Variants in MTUS2 observed in about 807,000 individuals in gnomAD.
The protein encoded by MTUS2 is microtubule-associated tumor suppressor candidate 2.
A neutral mutation model predicts 114.1 loss-of-function variants in MTUS2; 40 were observed. The observed-to-expected ratio is 0.35, with a 90% CI of 0.27 to 0.46. MTUS2 has a LOEUF of 0.46. MTUS2 is among the 20% of genes least tolerant of loss of function. The pLI is 1.00. For synonymous variants in MTUS2, 688 were observed against 672.0 expected, an observed-to-expected ratio of 1.02 and a Z score of -0.37; for missense variants, 1,679 against 1,705.4, an observed-to-expected ratio of 0.98 and a Z score of 0.27.
At chr13:29,057,038 T>C (rs1264156400) in intron 4 of MTUS2, among the ~76,000 whole-genome samples, 2 of 152,166 alleles carry the variant, frequency 1.3e-5, no homozygotes, top group Non-Finnish European at 2.9e-5. Flanking sequence ...AATTTCTTGA[T>C]ATCTGCCTTA....
chr13:29,303,394 C>T (rs1899295997), intron 6 of MTUS2, among the ~76,000 whole-genome samples: 1 of 152,104 alleles, frequency 6.6e-6, no homozygotes, highest in Non-Finnish European at 1.5e-5. Flanking sequence ...TGCAGAGAAA[C>T]TAAGAATCAT....
intron 8 of MTUS2, among the ~76,000 whole-genome samples, chr13:29,377,044 AC>A (rs547283743): frequency 8.1e-4 from 123 of 152,326 alleles, no homozygotes; most frequent in African/African-American, 2.9e-3. Context: ...GGGTCCACTC[AC>A]CAAGCAGATG....
rs182316322 is a variant in MTUS2, at chr13:29,078,503, A to C, written c.2447-22270A>C. The stretch of plus-strand genomic sequence containing the variant: ...AGCTTTGTTGAGATATAATTCGTGT[A>C]CTATATGCAATTCACAATTTAAAGG... On this transcript the variant is annotated intron_variant, in intron 4 of 15. Transcript: ENST00000612955. 2.0e-3 allele frequency among the ~76,000 whole-genome samples: 308 copies of C among 152,340 alleles called. 1 individual carries two copies. The highest frequency in any genetic ancestry group is 6.9e-3 in the African/African-American group (289 of 41,586).
chr13:29,140,565 C>T lies in MTUS2; in HGVS notation c.2644+39595C>T, dbSNP rs559631491. Among the ~76,000 whole-genome samples, 4 of 152,288 alleles carry T rather than the reference C, an allele frequency of 2.6e-5. No homozygotes were observed. The East Asian group carries it at 7.7e-4, about 29-fold the overall frequency. On this transcript the variant is annotated intron_variant, in intron 5 of 15. Coordinates refer to ENST00000612955, the MANE Select transcript of MTUS2 (RefSeq NM_001033602.4). ...TGCTAGTGTTTGGTGGTGTTCTGAACAAATTGTTCCTCATTCTAAGTGATG... is the reference window on the plus strand; with the variant it reads ...TGCTAGTGTTTGGTGGTGTTCTGAATAAATTGTTCCTCATTCTAAGTGATG...
At chr13:29,427,447 A>G (rs1306709026) in intron 8 of MTUS2, among the ~76,000 whole-genome samples, 4 of 152,168 alleles carry the variant, frequency 2.6e-5, no homozygotes, top group Admixed American at 6.5e-5. Flanking sequence ...AAGCTTGTGT[A>G]TTTATGTGAA....
chr13:29,295,977 A>C (rs1188499588), intron 6 of MTUS2, among the ~76,000 whole-genome samples: 1 of 152,102 alleles, frequency 6.6e-6, no homozygotes, highest in Non-Finnish European at 1.5e-5. Context: ...ACAATTCAAG[A>C]TGAGATTTGG....
chr13:28,874,976 G>T (rs1212766599), intron 2 of MTUS2, among the ~76,000 whole-genome samples: 3 of 152,194 alleles, frequency 2.0e-5, no homozygotes, highest in Admixed American at 6.5e-5. Context: ...CACAGTTGTA[G>T]TTCATGTATA....
chr13:28,889,030 A>G (rs1878763155), intron 2 of MTUS2, among the ~76,000 whole-genome samples: 1 of 152,186 alleles, frequency 6.6e-6, no homozygotes, highest in Non-Finnish European at 1.5e-5. Flanking sequence ...TGAAGTTCCG[A>G]CAACCAAGTA....
At chr13:28,823,011 T>G (rs923195275) in intron 1 of MTUS2, among the ~76,000 whole-genome samples, 4 of 152,282 alleles carry the variant, frequency 2.6e-5, no homozygotes, top group African/African-American at 9.6e-5. Flanking sequence ...TTTGGATCAG[T>G]GTGTGAGCTG....
intron 1 of MTUS2, among the ~76,000 whole-genome samples, chr13:28,831,241 A>G (rs1452686309): frequency 6.6e-6 from 1 of 152,232 alleles, no homozygotes; most frequent in Non-Finnish European, 1.5e-5. Flanking sequence ...AAAAGACATC[A>G]GACGTAACAC....
chr13:29,242,172 A>C (rs1896757102), intron 5 of MTUS2, among the ~76,000 whole-genome samples: 1 of 152,196 alleles, frequency 6.6e-6, no homozygotes, highest in African/African-American at 2.4e-5. Flanking sequence ...GAGTGGTTCA[A>C]CCATAACCAT....
chr13:29,399,236 CA>C (rs2138482633), intron 8 of MTUS2, among the ~76,000 whole-genome samples: 1 of 152,270 alleles, frequency 6.6e-6, no homozygotes, highest in East Asian at 1.9e-4. Context: ...CAAGGACGAC[CA>C]AAGGACACTC....
intron 2 of MTUS2, among the ~76,000 whole-genome samples, chr13:28,868,887 C>T (rs1465180624): frequency 2.0e-5 from 3 of 152,196 alleles, no homozygotes; most frequent in African/African-American, 7.2e-5. Context: ...CTTTGGGAAG[C>T]ATTGGGCTGA....
At chr13:29,028,122 A>C (rs1183171703) in intron 3 of MTUS2, among the ~76,000 whole-genome samples, 1 of 143,642 alleles carries the variant, frequency 7.0e-6, no homozygotes, top group Non-Finnish European at 1.5e-5. Flanking sequence ...GGAAGCCGAG[A>C]TGGGCAGATC....
intron 4 of MTUS2, among the ~76,000 whole-genome samples, chr13:29,042,057 A>C (rs1887389214): frequency 6.6e-6 from 1 of 152,122 alleles, no homozygotes. Flanking sequence ...TCTCAGAGGG[A>C]ATGCTTTTAG....
At chr13:29,157,292 C>CA (rs1282604768) in intron 5 of MTUS2, among the ~76,000 whole-genome samples, 1 of 152,162 alleles carries the variant, frequency 6.6e-6, no homozygotes, top group African/African-American at 2.4e-5. Context: ...AAAATGCCGT[C>CA]AAAGTAGTGC....
At chr13:28,863,029 A>G (rs1877087605) in intron 2 of MTUS2, among the ~76,000 whole-genome samples, 1 of 152,194 alleles carries the variant, frequency 6.6e-6, no homozygotes, top group South Asian at 2.1e-4. Context: ...AAATGAAGAA[A>G]TTATAGAAAA....
At position 29,026,131 on chromosome 13, in the gene MTUS2, A is replaced by C; in HGVS notation, c.1433A>C (p.Glu478Ala). 1 of 1,614,020 alleles carries C rather than the reference A, an allele frequency of 6.2e-7. No individual in the cohort carries two copies. Among genetic ancestry groups the C allele is most frequent in the South Asian group, 1.1e-5 (1 of 91,088 alleles). The change falls in exon 3 of 16, where the codon GAG becomes GCG. Residue 478 changes from glutamate (E) to alanine (A), a missense_variant. Glu to Ala is a moderately radical substitution (Grantham distance 107). Transcript: ENST00000612955. ...MVLVFNPSVG[E>A]NKTEVPEPLD... ...TTGGTGTTCAATCCTTCTGTTGGAGAGAACAAGACGGAGGTGCCTGAGCCC... is the reference window on the plus strand; with the variant it reads ...TTGGTGTTCAATCCTTCTGTTGGAGCGAACAAGACGGAGGTGCCTGAGCCC...
chr13:29,094,077 A>G (rs1472620804), intron 4 of MTUS2, among the ~76,000 whole-genome samples: 1 of 152,118 alleles, frequency 6.6e-6, no homozygotes, highest in Non-Finnish European at 1.5e-5. Flanking sequence ...ATGGTATATA[A>G]TATTTTGTAT....
Sources: allele counts gnomAD v4.1 joint callset (sites outside exome capture counted in the v4.1 genomes callset), GRCh38; gene constraint gnomAD v4.1.1; transcripts MANE v1.5; gene names NCBI Gene and HGNC (gene_info 2026-07-23, HGNC 2026-07-21).